Variants in NES observed in about 807,000 individuals in gnomAD.
NES encodes nestin.
In NES, 27 loss-of-function variants were observed where a neutral mutation model predicts 35.6. The observed-to-expected ratio is 0.76, with a 90% confidence interval of 0.56 to 1.04. The LOEUF (loss-of-function observed/expected upper bound fraction) is 1.04. NES is among the 50% of genes least tolerant of loss of function. The probability of loss-of-function intolerance (pLI) is 0.00; values close to 1 mark genes in which losing one functional copy is unlikely to be tolerated. For missense variants in NES, 1,867 were observed against 1,983.6 expected (o/e 0.94, Z 1.12); for synonymous variants, 822 against 824.2 (o/e 1.00, Z 0.04).
chr1:156,674,685 G>A (rs1679803868), intron 2 of NES, among the ~76,000 whole-genome samples: 1 of 152,244 alleles, frequency 6.6e-6, no homozygotes, highest in African/African-American at 2.4e-5. Flanking sequence ...GCAGGACCAA[G>A]GGCACTAGGG....
chr1:156,676,778 CG>C lies in NES; in HGVS notation c.486del (p.Ala163ArgfsTer13). 7.3e-7 allele frequency: 1 copy of C among 1,368,130 alleles called. No homozygotes were observed. The highest frequency in any genetic ancestry group is 1.8e-5 in the South Asian group (1 of 56,820). 84.7% of individuals were successfully genotyped at this position (1,368,130 alleles called of 1,614,324 possible). Reference protein sequence around the residue: ...NAQAACAPRCPAPPRGPPAPA... With the variant: ...NAQAACAPRCXAPPRGPPAPA... ...GGCGCGGGAGGCCCGCGGGGCGGCG[CG>C]GGGCAGCGGGGGGCACAGGCAGCCT... On this transcript the variant is annotated frameshift_variant, in exon 1 of 4. Transcript: ENST00000368223. LOFTEE classifies it high-confidence loss of function. This position sits in a 1 kb window ranked among gnomAD's most constrained non-coding sequence, Gnocchi z 5.3.
rs1647322341 is a variant in NES, at chr1:156,677,074, C to T, written c.191G>A (p.Arg64Gln). 2 of 1,599,564 alleles carry T rather than the reference C, an allele frequency of 1.3e-6. No individual in the cohort carries two copies. Among genetic ancestry groups the T allele is most frequent in the Non-Finnish European group, 1.7e-6 (2 of 1,174,730 alleles). The change falls in exon 1 of 4, where the codon CGG (arginine) becomes CAG (glutamine). Residue 64 changes from arginine (R) to glutamine (Q), a missense_variant. By Grantham distance (43) the Arg-to-Gln change is conservative. Coordinates refer to ENST00000368223, the MANE Select transcript of NES (RefSeq NM_006617.2). This position sits in a 1 kb window ranked among gnomAD's most constrained non-coding sequence, Gnocchi z 4.5. The part of the protein sequence containing the change: ...AHADDELAAL[R>Q]ALVDQRWREK... The stretch of plus-strand genomic sequence containing the variant: ...CCGCCAGCGTTGGTCAACGAGGGCC[C>T]GCAGGGCCGCCAGCTCGTCGTCGGC...
Position 156,676,573 on chromosome 1 carries a change from T to C in NES, c.692A>G (p.Glu231Gly). The C allele has an allele frequency of 1.3e-6, 2 of 1,587,542 alleles. No homozygotes were observed. Among genetic ancestry groups the C allele is most frequent in the Non-Finnish European group, 1.7e-6 (2 of 1,174,620 alleles). ...GRLELQQLQA[E>G]RGGLLERRAA... ...CCTGCGCTCCAGGAGGCCTCCGCGC[T>C]CAGCCTGGAGCTGCTGCAGCTCCAG... Residue 231 changes from glutamate (E) to glycine (G), a missense_variant, in exon 1 of 4, where the codon GAG becomes GGG. By Grantham distance (98) the Glu-to-Gly change is moderately conservative. Transcript: ENST00000368223. This position sits in a 1 kb window ranked among gnomAD's most constrained non-coding sequence, Gnocchi z 5.3.
At position 156,669,373 on chromosome 1, in the gene NES, C is replaced by G. The variant is rs1257096471; in HGVS notation, c.4815G>C (p.Lys1605Asn). 1.9e-6 allele frequency: 3 copies of G among 1,606,468 alleles called. No homozygotes were observed. In the South Asian group the frequency reaches 3.3e-5, roughly 18 times the overall value. The change falls in exon 4 of 4, where the codon AAG (lysine) becomes AAC (asparagine). Residue 1605 changes from lysine to asparagine, a missense_variant. Physicochemically the swap from Lys to Asn is moderately conservative, Grantham distance 94 (BLOSUM62 0). Transcript: ENST00000368223. ...CTCTATCTCCTTCCCTCTGAGTGAA[C>G]TTCAGGAACTGACCCTGGCCCAGGT... ...PVHLGQGQFL[K>N]FTQREGDRES...
In NES at chr1:156,669,844, G is replaced by A. The variant is rs11549292; in HGVS notation, c.4344C>T (p.Ala1448=). Residue 1448 remains alanine, a synonymous_variant, in exon 4 of 4, where the codon GCC becomes GCT. Transcript: ENST00000368223. ...ATTCCCCTCTCTGGGAGCTACTCAG[G>A]GCCTGGAGGCTGCCAACAGAAGACC... ...GPGSSVGSLQ[A]LSSSQRGEFL... is the part of the protein sequence containing the mutation. 0.28 allele frequency: 444,373 copies of A among 1,613,622 alleles called. 63,603 individuals are homozygous for A. The highest frequency in any genetic ancestry group is 0.29 in the Non-Finnish European group (347,501 of 1,179,822).
At position 156,672,735 on chromosome 1, in the gene NES, C is replaced by T. The variant is rs368417662; in HGVS notation, c.1453G>A (p.Gly485Ser). Residue 485 changes from glycine to serine, a missense_variant, in exon 4 of 4, where the codon GGT becomes AGT. Coordinates refer to ENST00000368223, the MANE Select transcript of NES (RefSeq NM_006617.2). ...SSLEAKDGES[G>S]GSRVFSICRG... ...CATATGCTGAACACTCTAGACCCAC[C>T]GGATTCTCCATCCTTAGCCTCTAAA... is the stretch of plus-strand genomic sequence containing the variant. 33 of 1,613,350 alleles carry T rather than the reference C, an allele frequency of 2.0e-5. No individual in the cohort carries two copies. The highest frequency in any genetic ancestry group is 1.9e-4 in the African/African-American group (14 of 74,928).
At position 156,672,595 on chromosome 1, in the gene NES, C is replaced by T; in HGVS notation, c.1593G>A (p.Arg531=). ...GAACCTGGGAGTCCTGGATTTCCTT[C>T]CTGTTTAGATCCTCTTCTTCCCATA... is the stretch of plus-strand genomic sequence containing the variant. ...QEIWEEEDLN[R]KEIQDSQVPL... The change falls in exon 4 of 4, where the codon AGG becomes AGA. Residue 531 remains arginine (R), a synonymous_variant. Coordinates refer to ENST00000368223, the MANE Select transcript of NES (RefSeq NM_006617.2). 1 of 1,613,826 alleles carries T rather than the reference C, an allele frequency of 6.2e-7. No individual in the cohort carries two copies. The highest frequency in any genetic ancestry group is 1.3e-5 in the African/African-American group (1 of 75,040).
At chr1:156,675,074 G>A (rs1355542315) in intron 2 of NES, 142 bp downstream of exon 2, 3 of 1,054,602 alleles carry the variant, frequency 2.8e-6, no homozygotes, top group Non-Finnish European at 4.1e-6. Flanking sequence ...GTTCCGGTGT[G>A]GAAGTGACCA....
In NES at chr1:156,676,896, C is replaced by T; in HGVS notation, c.369G>A (p.Arg123=). The T allele has an allele frequency of 1.3e-6, 2 of 1,549,506 alleles. No homozygotes were observed. The highest frequency in any genetic ancestry group is 1.7e-6 in the Non-Finnish European group (2 of 1,158,194). ...RRAVEAEKCA[R]AWLSSQVAEL... is the part of the protein sequence containing the mutation. ...CTGCCACCTGGCTACTCAGCCAGGCCCGGGCGCATTTCTCTGCCTCGACGG... is the reference window on the plus strand; with the variant it reads ...CTGCCACCTGGCTACTCAGCCAGGCTCGGGCGCATTTCTCTGCCTCGACGG... Residue 123 remains arginine (R), a synonymous_variant, in exon 1 of 4, where the codon CGG becomes CGA. Coordinates refer to ENST00000368223, the MANE Select transcript of NES (RefSeq NM_006617.2). This position sits in a 1 kb window ranked among gnomAD's most constrained non-coding sequence, Gnocchi z 5.3.
Position 156,672,425 on chromosome 1 carries a change from C to T in NES, c.1763G>A (p.Ser588Asn). 1 of 1,611,780 alleles carries T rather than the reference C, an allele frequency of 6.2e-7. No individual in the cohort carries two copies. Among genetic ancestry groups the T allele is most frequent in the Non-Finnish European group, 8.5e-7 (1 of 1,179,566 alleles). ...TAGCTCTTTATTTTCCTTTTCTAGACTTTTTAGTGTTTCTAAGTCTTCTTC... is the reference window on the plus strand; with the variant it reads ...TAGCTCTTTATTTTCCTTTTCTAGATTTTTTAGTGTTTCTAAGTCTTCTTC... ...SLEEDLETLK[S>N]LEKENKELLK... is the part of the protein sequence containing the mutation. The change falls in exon 4 of 4, where the codon AGT (serine) becomes AAT (asparagine). Residue 588 changes from serine (S) to asparagine (N), a missense_variant. Ser to Asn is a conservative substitution (Grantham distance 46). Coordinates refer to ENST00000368223, the MANE Select transcript of NES (RefSeq NM_006617.2).
In NES at chr1:156,669,763, AC is replaced by A; in HGVS notation, c.4424del (p.Gly1475ValfsTer43). 1 of 1,613,826 alleles carries A rather than the reference AC, an allele frequency of 6.2e-7. No homozygotes were observed. The highest frequency in any genetic ancestry group is 8.5e-7 in the Non-Finnish European group (1 of 1,179,940). ...VSVPWDDSLR[G>X]AVAGAPKTAL... Reference sequence around the variant, plus strand: ...CAGTCTTGGGGGCACCAGCCACTGCACCCCTCAAGCTGTCATCCCAGGGGAC... The same window carrying A: ...CAGTCTTGGGGGCACCAGCCACTGCACCCTCAAGCTGTCATCCCAGGGGAC... On this transcript the variant is annotated frameshift_variant, in exon 4 of 4. Transcript: ENST00000368223. LOFTEE classifies it low-confidence loss of function (END_TRUNC).
rs1248540954 is a variant in NES at position 156,669,308 on chromosome 1, C to T, written c.*14G>A. The stretch of plus-strand genomic sequence containing the variant: ...GCACCCCTAAGTCCCCAGTGCCGGG[C>T]AGATGGTCTTTTCCTAGTCCTCCCC... On this transcript the variant is annotated 3_prime_UTR_variant, in exon 4 of 4. Coordinates refer to ENST00000368223, the MANE Select transcript of NES (RefSeq NM_006617.2). 2 of 1,526,922 alleles carry T rather than the reference C, an allele frequency of 1.3e-6. No individual in the cohort carries two copies. Among genetic ancestry groups the T allele is most frequent in the Admixed American group, 2.0e-5 (1 of 49,000 alleles). The allele number at this position is 1,526,922 out of a possible 1,614,324, so 94.6% of individuals were successfully genotyped here. A position where few individuals can be genotyped will look rare whatever the true frequency, so the allele number is the denominator to read the frequency against.
rs1679674709 is a variant in NES at position 156,669,924 on chromosome 1, C to T, written c.4264G>A (p.Gly1422Arg). The T allele has an allele frequency of 6.2e-7, 1 of 1,613,086 alleles. No individual in the cohort carries two copies. Among genetic ancestry groups the T allele is most frequent in the Non-Finnish European group, 8.5e-7 (1 of 1,179,528 alleles). The change falls in exon 4 of 4, where the codon GGA becomes AGA. Residue 1422 changes from glycine (G) to arginine (R), a missense_variant. Gly to Arg is a moderately radical substitution (Grantham distance 125). Transcript: ENST00000368223. ...FADEEESGEE[G>R]EEDQEEGREP... ...CTCCCCTCCTCCTGATCCTCCTCTC[C>T]CTCCTCCCCACTTTCTTCCTCATCT...
rs1343188246 is a variant in NES, at chr1:156,671,351, G to A, written c.2837C>T (p.Ala946Val). The change falls in exon 4 of 4, where the codon GCA becomes GTA. Residue 946 changes from alanine (A) to valine (V), a missense_variant. Transcript: ENST00000368223. ...EEEGQELPQS[A>V]DVQRWEDTVE... is the part of the protein sequence containing the mutation. ...CGTATCTTCCCACCTCTGCACATCT[G>A]CAGACTGCGGCAGCTCCTGTCCCTC... The A allele has an allele frequency of 1.2e-6, 2 of 1,613,928 alleles. No individual in the cohort carries two copies. Among genetic ancestry groups the A allele is most frequent in the Admixed American group, 1.7e-5 (1 of 60,008 alleles).
Position 156,670,463 on chromosome 1 carries a change from C to T in NES, c.3725G>A (p.Ser1242Asn). 1 of 1,565,986 alleles carries T rather than the reference C, an allele frequency of 6.4e-7. No individual in the cohort carries two copies. Among genetic ancestry groups the T allele is most frequent in the Non-Finnish European group, 8.7e-7 (1 of 1,155,666 alleles). ...CTGCACCCCCCAGCTAGCCTCCTGA[C>T]TCCCTTCAGCCTGAGGCTGAGGCCC... is the stretch of plus-strand genomic sequence containing the variant. ...APGPQPQAEG[S>N]QEASWGVQGR... Residue 1242 changes from serine to asparagine, a missense_variant, in exon 4 of 4, where the codon AGT becomes AAT. Physicochemically the swap from Ser to Asn is conservative, Grantham distance 46 (BLOSUM62 1). Transcript: ENST00000368223.
In NES at chr1:156,672,491, T is replaced by C. The variant is rs371191633; in HGVS notation, c.1697A>G (p.Glu566Gly). 2.5e-6 allele frequency: 4 copies of C among 1,613,104 alleles called. No homozygotes were observed. The highest frequency in any genetic ancestry group is 1.7e-4 in the Middle Eastern group (1 of 6,058). The change falls in exon 4 of 4, where the codon GAG (glutamate) becomes GGG (glycine). Residue 566 changes from glutamate to glycine, a missense_variant. By Grantham distance (98) the Glu-to-Gly change is moderately conservative (BLOSUM62 -2). Coordinates refer to ENST00000368223, the MANE Select transcript of NES (RefSeq NM_006617.2). ...TTCTTGATTCTCCCTTTCTAGTGTC[T>C]CATGGCTCTGGTTTTCCAGAGTCTT... is the stretch of plus-strand genomic sequence containing the variant. ...SLKTLENQSH[E>G]TLERENQECP...
Position 156,669,657 on chromosome 1 carries a change from C to G in NES, c.4531G>C (p.Asp1511His). The G allele has an allele frequency of 2.5e-6, 4 of 1,614,070 alleles. No individual in the cohort carries two copies. The highest frequency in any genetic ancestry group is 1.3e-5 in the African/African-American group (1 of 75,032). ...ATCTCTAGAGGGCCAGGGACTTTGTCCTCCCTCTCCAAGGAAACAGGGTCA... is the reference window on the plus strand; with the variant it reads ...ATCTCTAGAGGGCCAGGGACTTTGTGCTCCCTCTCCAAGGAAACAGGGTCA... ...ESDPVSLEREDKVPGPLEIPS... is the reference protein window; with the variant it reads ...ESDPVSLEREHKVPGPLEIPS... Residue 1511 changes from aspartate to histidine, a missense_variant, in exon 4 of 4, where the codon GAC (aspartate) becomes CAC (histidine). By Grantham distance (81) the Asp-to-His change is moderately conservative (BLOSUM62 -1). Transcript: ENST00000368223.
Position 156,670,135 on chromosome 1 carries a change from C to T in NES, c.4053G>A (p.Glu1351=). The T allele has an allele frequency of 1.9e-6, 3 of 1,614,038 alleles. No homozygotes were observed. Among genetic ancestry groups the T allele is most frequent in the African/African-American group, 1.3e-5 (1 of 75,046 alleles). Reference sequence around the variant, plus strand: ...CACACTCCTCTTCTCCCTCCTCCCCCTCCTCCTTTTCTGAGGGTGGGGCCT... The same window carrying T: ...CACACTCCTCTTCTCCCTCCTCCCCTTCCTCCTTTTCTGAGGGTGGGGCCT... ...GLEAPPSEKE[E]GEEGEEECGR... Residue 1351 remains glutamate (E), a synonymous_variant, in exon 4 of 4, where the codon GAG becomes GAA. Transcript: ENST00000368223.
rs1440030345 is a variant in NES at position 156,676,564 on chromosome 1, C to G, written c.701G>C (p.Gly234Ala). The G allele has an allele frequency of 1.3e-6, 2 of 1,591,056 alleles. No individual in the cohort carries two copies. The highest frequency in any genetic ancestry group is 2.2e-5 in the South Asian group (2 of 90,138). The change falls in exon 1 of 4, where the codon GGC (glycine) becomes GCC (alanine). Residue 234 changes from glycine (G) to alanine (A), a missense_variant. Gly to Ala is a moderately conservative substitution (Grantham distance 60). Transcript: ENST00000368223. This position sits in a 1 kb window ranked among gnomAD's most constrained non-coding sequence, Gnocchi z 5.3. ...CAACGCTGCCCTGCGCTCCAGGAGG[C>G]CTCCGCGCTCAGCCTGGAGCTGCTG... ...ELQQLQAERGGLLERRAALEQ... is the reference protein window; with the variant it reads ...ELQQLQAERGALLERRAALEQ...
Sources: allele counts gnomAD v4.1 joint callset (sites outside exome capture counted in the v4.1 genomes callset), GRCh38; gene constraint gnomAD v4.1.1; non-coding constraint Gnocchi (gnomAD v3.1); transcripts MANE v1.5; gene names NCBI Gene and HGNC (gene_info 2026-07-23, HGNC 2026-07-21).